Variants in MTAP observed in about 807,000 individuals in gnomAD.
The protein encoded by MTAP is S-methyl-5'-thioadenosine phosphorylase.
In MTAP, 33 loss-of-function variants were observed where a neutral mutation model predicts 33.6. The observed-to-expected ratio is 0.98, with a 90% CI of 0.74 to 1.31. The LOEUF (loss-of-function observed/expected upper bound fraction) is 1.31, where lower values mean the gene tolerates loss of function less well. Ranked by LOEUF, MTAP falls within the 40% of genes most tolerant of loss-of-function variation. The pLI, the probability that MTAP is intolerant of heterozygous loss-of-function variation, is 0.00. For missense variants in MTAP, 367 were observed against 360.0 expected (o/e 1.02, Z -0.16); for synonymous variants, 148 against 125.7 (o/e 1.18, Z -1.19).
chr9:21,928,093 T>A (rs1004771610), intron 1 of MTAP, among the ~76,000 whole-genome samples: 6 of 152,140 alleles, frequency 3.9e-5, no homozygotes, highest in Non-Finnish European at 8.8e-5. Context: ...CCTTCTCCAA[T>A]ACACTAAGGA....
chr9:21,911,037 C>A (rs1818568039), intron 1 of MTAP, among the ~76,000 whole-genome samples: 1 of 152,056 alleles, frequency 6.6e-6, no homozygotes, highest in South Asian at 2.1e-4. Context: ...ACAAAGAAGG[C>A]CATTACATAA....
Position 21,865,411 on chromosome 9 carries a change from C to G in MTAP, c.*3397C>G. ...TATAAATTACCCAGTCATGGGCAGT[C>G]CTTTACAGCAGCATGAGAATGGACT... is the stretch of plus-strand genomic sequence containing the variant. On this transcript the variant is annotated 3_prime_UTR_variant, in exon 8 of 8. Coordinates refer to ENST00000644715, the MANE Select transcript of MTAP (RefSeq NM_002451.4). The G allele has an allele frequency of 1.0e-6, 1 of 980,548 alleles. No individual in the cohort carries two copies. The allele number at this position is 980,548 out of a possible 1,614,324, so 60.7% of individuals were successfully genotyped here.
intron 1 of MTAP, among the ~76,000 whole-genome samples, chr9:21,923,809 T>TA (rs148909932): frequency 2.8e-4 from 41 of 148,040 alleles, no homozygotes; most frequent in South Asian, 8.7e-4. Context: ...AAATGGATTA[T>TA]AAAAAAAAAA....
At chr9:21,892,180 T>C (rs900630042) in intron 1 of MTAP, 2 of 152,114 alleles carry the variant, frequency 1.3e-5, no homozygotes, top group Non-Finnish European at 2.9e-5. Context: ...CTTAAGTATA[T>C]AGACTGTTTA....
At chr9:21,933,774 G>T (rs1461832017), downstream of MTAP, 1 of 152,088 alleles carries the variant, frequency 6.6e-6, no homozygotes, top group Non-Finnish European at 1.5e-5. Flanking sequence ...ATCTGCTTCT[G>T]TCTGTATTTT....
At chr9:21,847,026 T>G (rs1825401410) in intron 5 of MTAP, among the ~76,000 whole-genome samples, 1 of 152,088 alleles carries the variant, frequency 6.6e-6, no homozygotes, top group Non-Finnish European at 1.5e-5. Flanking sequence ...ACCCTTAATG[T>G]GGGTGGGCAC....
intron 6 of MTAP, among the ~76,000 whole-genome samples, chr9:21,857,228 A>G (rs1178804230): frequency 6.6e-6 from 1 of 152,226 alleles, no homozygotes; most frequent in African/African-American, 2.4e-5. Context: ...AACCAGTCAC[A>G]GGAAAAATAT....
chr9:21,927,414 A>G (rs191043379), intron 1 of MTAP, among the ~76,000 whole-genome samples: 1 of 152,204 alleles, frequency 6.6e-6, no homozygotes, highest in Non-Finnish European at 1.5e-5. Flanking sequence ...CTGACAACAG[A>G]CTGCTAAACT....
chr9:21,802,982 G>GC (rs1348847042), intron 1 of MTAP: 27 of 492,812 alleles, frequency 5.5e-5, no homozygotes, highest in East Asian at 3.8e-4. Flanking sequence ...CTGCCGCACC[G>GC]CCAACACACA....
At chr9:21,823,651 G>A (rs1217384922) in intron 4 of MTAP, among the ~76,000 whole-genome samples, 1 of 152,166 alleles carries the variant, frequency 6.6e-6, no homozygotes, top group Non-Finnish European at 1.5e-5. Context: ...GAGTTTGAAT[G>A]TTGGCCTGCC....
chr9:21,886,042 T>G (rs1272892063), intron 1 of MTAP, among the ~76,000 whole-genome samples: 2 of 152,026 alleles, frequency 1.3e-5, no homozygotes, highest in African/African-American at 4.8e-5. Context: ...CTCCACACTG[T>G]TTTCCACAGT....
At chr9:21,837,065 T>TAAG (rs1405816175) in intron 4 of MTAP, among the ~76,000 whole-genome samples, 1 of 152,240 alleles carries the variant, frequency 6.6e-6, no homozygotes, top group African/African-American at 2.4e-5. Context: ...GAAAGTGGCT[T>TAAG]GTTCTGAAAA....
rs991457023 is a variant in MTAP, at chr9:21,823,643, G to A, written c.347+5441G>A. On this transcript the variant is annotated intron_variant, in intron 4 of 7. Coordinates refer to ENST00000644715, the MANE Select transcript of MTAP (RefSeq NM_002451.4). Reference sequence around the variant, plus strand: ...TTGTGGCGTTCTCTGTATTTCCTGAGTTTGAATGTTGGCCTGCCTTGCTAG... The same window carrying A: ...TTGTGGCGTTCTCTGTATTTCCTGAATTTGAATGTTGGCCTGCCTTGCTAG... Among the ~76,000 whole-genome samples, 6 of 152,100 alleles carry A rather than the reference G, an allele frequency of 3.9e-5. No individual in the cohort carries two copies. The East Asian group carries it at 5.8e-4, about 15-fold the overall frequency.
chr9:21,886,648 TCTA>T (rs1308085779), intron 1 of MTAP, among the ~76,000 whole-genome samples: 1 of 152,198 alleles, frequency 6.6e-6, no homozygotes, highest in Non-Finnish European at 1.5e-5. Flanking sequence ...GTTTCATTCT[TCTA>T]TGTGGCTTGC....
At chr9:21,851,281 C>T (rs776936275) in intron 5 of MTAP, among the ~76,000 whole-genome samples, 1 of 152,216 alleles carries the variant, frequency 6.6e-6, no homozygotes, top group Non-Finnish European at 1.5e-5. Context: ...ATACCAGCTA[C>T]AACCATGTGA....
chr9:21,885,779 G>GGTGTGTGT (rs34691018), intron 1 of MTAP, among the ~76,000 whole-genome samples: 1,469 of 144,412 alleles, frequency 0.01, 14 homozygotes, highest in Admixed American at 0.018. Context: ...AGTATTACAT[G>GGTGTGTGT]GTGTGTGTGT....
At chr9:21,895,523 C>A (rs1818275386) in intron 1 of MTAP, among the ~76,000 whole-genome samples, 1 of 152,202 alleles carries the variant, frequency 6.6e-6, no homozygotes, top group Non-Finnish European at 1.5e-5. Context: ...ATCACCTCAC[C>A]CGGGAAATGC....
At chr9:21,896,926 C>A (rs907085840) in intron 1 of MTAP, among the ~76,000 whole-genome samples, 15 of 151,896 alleles carry the variant, frequency 9.9e-5, no homozygotes, top group African/African-American at 3.1e-4. Flanking sequence ...AGAGACACAA[C>A]AAAAAAAGAA....
rs529622440 is a variant in MTAP at position 21,845,730 on chromosome 9, A to C, written c.450+7720A>C. On this transcript the variant is annotated intron_variant, in intron 5 of 7. Transcript: ENST00000644715. ...TCAATGCAGTTTCCTTCAGAATACC[A>C]CCATCATTGTTCACAGAAATATAAA... Among the ~76,000 whole-genome samples the C allele has an allele frequency of 2.0e-5, 3 of 152,224 alleles. No individual in the cohort carries two copies. The South Asian group carries it at 6.2e-4, about 32-fold the overall frequency.
Sources: gnomAD v4.1 joint callset for allele counts (sites outside exome capture counted in the v4.1 genomes callset) on GRCh38, gnomAD v4.1.1 for gene constraint, MANE v1.5 for transcripts, NCBI Gene and HGNC (gene_info 2026-07-23, HGNC 2026-07-21) for gene names.